Variants in SYNPO2 observed in about 807,000 individuals in gnomAD.
SYNPO2 encodes the protein synaptopodin 2, also known as synaptopodin-2.
In SYNPO2, 56 loss-of-function variants were observed where a neutral mutation model predicts 85.0. That is an observed-to-expected ratio of 0.66 (90% CI 0.53 to 0.82). SYNPO2 has a LOEUF of 0.82. Ranked by LOEUF, SYNPO2 falls within the 40% of genes least tolerant of loss-of-function variation. The pLI, the probability that SYNPO2 is intolerant of heterozygous loss-of-function variation, is 0.00. For missense variants in SYNPO2, 1,575 were observed against 1,534.2 expected (o/e 1.03, Z -0.44); for synonymous variants, 602 against 591.1 (o/e 1.02, Z -0.27).
At position 118,878,534 on chromosome 4, in the gene SYNPO2, G is replaced by A. The variant is rs1416508696; in HGVS notation, c.12+27594G>A. Among the ~76,000 whole-genome samples, 3 of 152,248 alleles carry A rather than the reference G, an allele frequency of 2.0e-5. No individual in the cohort carries two copies. In the East Asian group the frequency reaches 5.8e-4, roughly 29 times the overall value. On this transcript the variant is annotated intron_variant, in intron 1 of 4. Coordinates refer to the SYNPO2 transcript ENST00000610556. ...AAATTTTCCATCTACCTAAAGGATT[G>A]TAAACGCACCAATCCGCGCTCTGTG...
chr4:118,991,298 C>G (rs1313503129), intron 1 of SYNPO2, among the ~76,000 whole-genome samples: 1 of 152,154 alleles, frequency 6.6e-6, no homozygotes, highest in Non-Finnish European at 1.5e-5. Flanking sequence ...CAGGCACGCA[C>G]CACCGCACCT....
Position 119,027,428 on chromosome 4 carries a change from G to A in SYNPO2, c.1059G>A (p.Ala353=), listed in dbSNP as rs370930859. Residue 353 remains alanine (A), a synonymous_variant, in exon 3 of 5, where the codon GCG becomes GCA. Transcript: ENST00000307142. ...ACAGCAGACCTCACAAGCACCGAGCGCGGCATGCACGTAAGTTCTGCCTGG... is the reference window on the plus strand; with the variant it reads ...ACAGCAGACCTCACAAGCACCGAGCACGGCATGCACGTAAGTTCTGCCTGG... The part of the protein sequence containing the change: ...KDHSRPHKHR[A]RHARLRRSES... The A allele has an allele frequency of 4.4e-6, 7 of 1,593,928 alleles. No homozygotes were observed. Among genetic ancestry groups the A allele is most frequent in the African/African-American group, 2.7e-5 (2 of 74,594 alleles).
intron 1 of SYNPO2, among the ~76,000 whole-genome samples, chr4:118,882,510 A>G (rs530957140): frequency 6.6e-6 from 1 of 152,350 alleles, no homozygotes; most frequent in South Asian, 2.1e-4. Flanking sequence ...ATTCCTTGAC[A>G]TTACAGACAA....
At chr4:118,973,240 G>C (rs1735601166) in intron 1 of SYNPO2, among the ~76,000 whole-genome samples, 1 of 151,958 alleles carries the variant, frequency 6.6e-6, no homozygotes, top group African/African-American at 2.4e-5. Flanking sequence ...ATTAATTCAA[G>C]GATTCTATTA....
intron 3 of SYNPO2, 42 bp downstream of exon 3, chr4:119,027,480 G>T: frequency 6.8e-7 from 1 of 1,477,426 alleles, no homozygotes; most frequent in South Asian, 1.5e-5. Context: ...TGGGAGTTGG[G>T]GGCATTTTGC....
intron 1 of SYNPO2, among the ~76,000 whole-genome samples, chr4:119,013,453 A>G (rs1737407226): frequency 6.6e-6 from 1 of 152,232 alleles, no homozygotes; most frequent in Admixed American, 6.5e-5. Flanking sequence ...CATACTAGCC[A>G]TTTTTTAAAT....
Position 118,888,902 on chromosome 4 carries a change from C to T in SYNPO2, c.-135C>T. On this transcript the variant is annotated 5_prime_UTR_variant, in exon 1 of 5. Transcript: ENST00000307142. ...GGGGCGGCGGCTGGGGCAGCGGCTG[C>T]AGCAGCGGCGGACGCTCTGCATTAC... 1 of 842,354 alleles carries T rather than the reference C, an allele frequency of 1.2e-6. No individual in the cohort carries two copies. Among genetic ancestry groups the T allele is most frequent in the Non-Finnish European group, 1.9e-6 (1 of 525,918 alleles). The allele number at this position is 842,354 out of a possible 1,614,324, so 52.2% of individuals were successfully genotyped here.
intron 4 of SYNPO2, among the ~76,000 whole-genome samples, chr4:119,050,439 C>T (rs1738999384): frequency 6.6e-6 from 1 of 152,126 alleles, no homozygotes; most frequent in South Asian, 2.1e-4. Flanking sequence ...ATTTTCCACC[C>T]CAACACTTAC....
rs971624448 is a variant in SYNPO2 at position 119,058,066 on chromosome 4, G to A, written c.*132G>A. ...TTGTTCTCATAAGTCATTTATCTAA[G>A]TTTGTGTTTCTGTGTGTGTGTGTGT... On this transcript the variant is annotated 3_prime_UTR_variant, in exon 5 of 5. Transcript: ENST00000307142. 4 of 944,434 alleles carry A rather than the reference G, an allele frequency of 4.2e-6. No homozygotes were observed. In the African/African-American group the frequency reaches 7.9e-5, roughly 19 times the overall value. 58.5% of individuals were successfully genotyped at this position (944,434 alleles called of 1,614,324 possible).
intron 1 of SYNPO2, among the ~76,000 whole-genome samples, chr4:118,985,967 G>A (rs1262781671): frequency 6.6e-6 from 1 of 152,170 alleles, no homozygotes; most frequent in Non-Finnish European, 1.5e-5. Flanking sequence ...AGCAATCTTA[G>A]CTTGATGTTG....
At chr4:118,864,696 T>C (rs1324105231) in intron 1 of SYNPO2, among the ~76,000 whole-genome samples, 1 of 152,224 alleles carries the variant, frequency 6.6e-6, no homozygotes, top group Non-Finnish European at 1.5e-5. Flanking sequence ...CATTATATAG[T>C]GATCTTCTTT....
chr4:118,969,411 A>G (rs1735444692), intron 1 of SYNPO2, among the ~76,000 whole-genome samples: 1 of 51,132 alleles, frequency 2.0e-5, no homozygotes, highest in Non-Finnish European at 5.1e-5. Flanking sequence ...TATTTGTAAA[A>G]AAGTACGTTT....
In SYNPO2 at chr4:119,032,598, T is replaced by C. The variant is rs112452123; in HGVS notation, c.3252+571T>C. On this transcript the variant is annotated intron_variant, in intron 4 of 4. Coordinates refer to ENST00000307142, the MANE Select transcript of SYNPO2 (RefSeq NM_133477.3). ...TATCACAGAGAAGATACTCGGAGGA[T>C]TGTTGGAATGTATATAGTTTAGTAA... 4.6e-4 allele frequency: 461 copies of C among 994,164 alleles called. 7 individuals carry two copies. The African/African-American group carries it at 7.4e-3, about 16-fold the overall frequency. 61.6% of individuals were successfully genotyped at this position (994,164 alleles called of 1,614,324 possible).
At chr4:119,011,822 C>G (rs1737313485) in intron 1 of SYNPO2, among the ~76,000 whole-genome samples, 1 of 152,016 alleles carries the variant, frequency 6.6e-6, no homozygotes, top group African/African-American at 2.4e-5. Flanking sequence ...TTTCAACTAG[C>G]CAGTAGTTTG....
chr4:118,961,301 C>T (rs989108223), intron 1 of SYNPO2, among the ~76,000 whole-genome samples: 2 of 152,098 alleles, frequency 1.3e-5, no homozygotes. Context: ...CCTACAGATT[C>T]CACAGGAGCT....
chr4:118,938,465 A>G (rs1199754797), intron 1 of SYNPO2, among the ~76,000 whole-genome samples: 1 of 152,194 alleles, frequency 6.6e-6, no homozygotes, highest in Admixed American at 6.5e-5. Context: ...AACTGTAAAT[A>G]TGGAAGGCCA....
intron 1 of SYNPO2, among the ~76,000 whole-genome samples, chr4:119,021,807 G>T (rs1392171762): frequency 6.6e-6 from 1 of 152,136 alleles, no homozygotes; most frequent in Non-Finnish European, 1.5e-5. Flanking sequence ...ACGAGTTAAG[G>T]CAATGATAGA....
intron 4 of SYNPO2, chr4:119,037,544 C>A (rs1331896959): frequency 5.0e-6 from 5 of 993,084 alleles, no homozygotes; most frequent in Non-Finnish European, 6.0e-6. Context: ...GGCCATGCAA[C>A]AACCCAAAAT....
At chr4:118,969,534 C>A (rs904016210) in intron 1 of SYNPO2, among the ~76,000 whole-genome samples, 1 of 152,110 alleles carries the variant, frequency 6.6e-6, no homozygotes, top group Non-Finnish European at 1.5e-5. Context: ...TGGAGAAGGC[C>A]AACTTTTCAT....
Sources: allele counts gnomAD v4.1 joint callset (sites outside exome capture counted in the v4.1 genomes callset), GRCh38; gene constraint gnomAD v4.1.1; transcripts MANE v1.5; gene names NCBI Gene and HGNC (gene_info 2026-07-23, HGNC 2026-07-21).